Variants in MIS18A observed in about 807,000 individuals in gnomAD.
MIS18A encodes the protein MIS18 kinetochore protein A, also known as protein Mis18-alpha.
MIS18A carries 14 observed loss-of-function variants against 25.0 expected under a neutral mutation model. That is an observed-to-expected ratio of 0.56 (90% confidence interval 0.37 to 0.88). The LOEUF is 0.88. Ranked by LOEUF, MIS18A falls within the 40% of genes least tolerant of loss-of-function variation. MIS18A has a pLI of 0.00. For synonymous variants in MIS18A, 134 were observed against 118.6 expected (o/e 1.13, Z -0.84); for missense variants, 292 against 290.8 (o/e 1.00, Z -0.03).
At chr21:32,241,742 G>A in the MIS18A span, among the ~76,000 whole-genome samples, 2 of 139,506 alleles carry the variant, frequency 1.4e-5, no homozygotes, top group African/African-American at 2.7e-5. Context: ...GAGGCAAAGC[G>A]GTAACATTTC....
chr21:32,229,419 C>T, the MIS18A span, among the ~76,000 whole-genome samples: 4 of 151,842 alleles, frequency 2.6e-5, no homozygotes, highest in South Asian at 2.1e-4. Flanking sequence ...TGGATTTTTG[C>T]GAGAGCATGG....
chr21:32,262,293 C>A, the MIS18A span, among the ~76,000 whole-genome samples: 1 of 152,212 alleles, frequency 6.6e-6, no homozygotes, highest in African/African-American at 2.4e-5. Context: ...GCAGTTGTGA[C>A]AGTCAAAAAG....
chr21:32,169,408 C>T, the MIS18A span, among the ~76,000 whole-genome samples: 1 of 152,172 alleles, frequency 6.6e-6, no homozygotes, highest in Non-Finnish European at 1.5e-5. Context: ...AATTAATTAA[C>T]ATCACAGCTG....
downstream of MIS18A, among the ~76,000 whole-genome samples, chr21:32,265,255 C>T (rs375096933): frequency 1.3e-5 from 2 of 152,326 alleles, no homozygotes; most frequent in South Asian, 2.1e-4. Flanking sequence ...TTCAGCCCCC[C>T]ACTGCACTGT....
At chr21:32,244,353 G>A in the MIS18A span, among the ~76,000 whole-genome samples, 10 of 152,018 alleles carry the variant, frequency 6.6e-5, no homozygotes, top group Non-Finnish European at 1.5e-4. Flanking sequence ...TTACATGAGG[G>A]TGTATATGTG....
chr21:32,222,724 G>A, the MIS18A span, among the ~76,000 whole-genome samples: 1 of 148,402 alleles, frequency 6.7e-6, no homozygotes, highest in Non-Finnish European at 1.5e-5. Context: ...GAGGTCAGGA[G>A]ATCAAGACCA....
chr21:32,241,864 G>A, the MIS18A span, among the ~76,000 whole-genome samples: 1 of 150,360 alleles, frequency 6.7e-6, no homozygotes, highest in Non-Finnish European at 1.5e-5. Flanking sequence ...ATACCAGAAA[G>A]GATTTTGGGT....
chr21:32,224,100 A>G, the MIS18A span, among the ~76,000 whole-genome samples: 1 of 152,052 alleles, frequency 6.6e-6, no homozygotes, highest in African/African-American at 2.4e-5. Flanking sequence ...AAAACTCTCA[A>G]TAAATTAGGT....
At chr21:32,271,113 T>C (rs2031706933) in intron 2 of MIS18A, among the ~76,000 whole-genome samples, 1 of 152,212 alleles carries the variant, frequency 6.6e-6, no homozygotes, top group South Asian at 2.1e-4. Flanking sequence ...TTCCACACAC[T>C]TGAATATACC....
chr21:32,184,890 C>A, the MIS18A span, among the ~76,000 whole-genome samples: 5 of 152,246 alleles, frequency 3.3e-5, no homozygotes, highest in African/African-American at 1.2e-4. Context: ...TGGCTCCCGG[C>A]CACCGCAGCC....
intron 2 of MIS18A, among the ~76,000 whole-genome samples, chr21:32,273,243 G>A (rs1468865239): frequency 6.6e-6 from 1 of 151,746 alleles, no homozygotes; most frequent in Non-Finnish European, 1.5e-5. Flanking sequence ...CAATCTGGAA[G>A]TTCTCTAAAA....
At chr21:32,197,284 G>T in the MIS18A span, among the ~76,000 whole-genome samples, 1 of 151,584 alleles carries the variant, frequency 6.6e-6, no homozygotes, top group Non-Finnish European at 1.5e-5. Flanking sequence ...CTTATGTCAT[G>T]CTATCACATT....
the MIS18A span, among the ~76,000 whole-genome samples, chr21:32,214,807 C>T: frequency 6.6e-6 from 1 of 152,238 alleles, no homozygotes; most frequent in Admixed American, 6.5e-5. Flanking sequence ...GCCACTCACT[C>T]ACTGTGCCAA....
chr21:32,213,462 T>C, the MIS18A span, among the ~76,000 whole-genome samples: 1 of 152,244 alleles, frequency 6.6e-6, no homozygotes, highest in African/African-American at 2.4e-5. Context: ...TTTATGTACA[T>C]ATATGCTTGT....
intron 2 of MIS18A, 95 bp from the exon 3 acceptor site, chr21:32,270,624 A>C: frequency 4.7e-4 from 636 of 1,346,834 alleles, no homozygotes; most frequent in Non-Finnish European, 5.7e-4. Context: ...TCAGTTTCTC[A>C]AGTATGCTAT....
At chr21:32,156,865 C>T in the MIS18A span, among the ~76,000 whole-genome samples, 9,460 of 151,996 alleles carry the variant, frequency 0.062, 603 homozygotes, top group African/African-American at 0.16. Flanking sequence ...ATAGACATAT[C>T]AGGTGGGAGG....
rs768288926 is a variant in MIS18A at position 32,269,707 on chromosome 21, C to T, written c.621G>A (p.Gln207=). ...SRVEIEKSLT[Q]MEDVLKALQM... ...TATAAAATGTACAGAATAAAATTAC[C>T]TGTGTTAGAGACTTTTCTATTTCAA... Residue 207 remains glutamine (Q), a splice_region_variant and synonymous_variant, in exon 4 of 5, where the codon CAG becomes CAA. Transcript: ENST00000290130. 5 of 1,534,172 alleles carry T rather than the reference C, an allele frequency of 3.3e-6. No individual in the cohort carries two copies. Among genetic ancestry groups the T allele is most frequent in the Admixed American group, 1.7e-5 (1 of 59,538 alleles).
chr21:32,253,296 G>A, the MIS18A span, among the ~76,000 whole-genome samples: 1 of 152,164 alleles, frequency 6.6e-6, no homozygotes, highest in Non-Finnish European at 1.5e-5. Flanking sequence ...GTGAGTGACA[G>A]GTACACAGCG....
intron 2 of MIS18A, among the ~76,000 whole-genome samples, chr21:32,272,809 T>C (rs543490822): frequency 3.9e-4 from 59 of 152,228 alleles, no homozygotes; most frequent in African/African-American, 1.4e-3. Context: ...GGTACACAAA[T>C]AGGACAAAAA....
Sources: allele counts gnomAD v4.1 joint callset (sites outside exome capture counted in the v4.1 genomes callset), GRCh38; gene constraint gnomAD v4.1.1; transcripts MANE v1.5; gene names NCBI Gene and HGNC (gene_info 2026-07-23, HGNC 2026-07-21).